The following EYS variants were observed in gnomAD, a reference collection of about 807,000 sequenced individuals.
EYS encodes the protein EGF-like photoreceptor maintenance factor, also known as protein eyes shut homolog.
A neutral mutation model predicts 282.1 loss-of-function variants in EYS; 250 were observed. The ratio of observed to expected loss-of-function variants is 0.89; its 90% CI spans 0.80 to 0.98. The LOEUF (loss-of-function observed/expected upper bound fraction) is 0.98, where lower values mean the gene tolerates loss of function less well. Ranked by LOEUF, EYS falls within the 50% of genes least tolerant of loss-of-function variation. The probability of loss-of-function intolerance (pLI) is 0.00; values close to 1 mark genes in which losing one functional copy is unlikely to be tolerated. For missense variants in EYS, 4,016 were observed against 3,709.0 expected (o/e 1.08, Z -2.15); for synonymous variants, 1,355 against 1,282.9 (o/e 1.06, Z -1.20).
chr6:63,986,202 C>T (rs1280583697), intron 34 of EYS, among the ~76,000 whole-genome samples: 1 of 151,664 alleles, frequency 6.6e-6, no homozygotes, highest in Non-Finnish European at 1.5e-5. Context: ...TAGAGAAATG[C>T]AAATCAAAAC....
rs562707818 is a variant in EYS, at chr6:64,591,530, C to A, written c.4337G>T (p.Arg1446Leu). ...IELNRQSLLS[R>L]GFLLIAASIS... ...GGAGGCAGCTATAAGCAGGAATCCA[C>A]GGGAGAGTAATGACTGCCTGTTTAG... Residue 1446 changes from arginine (R) to leucine (L), a missense_variant, in exon 26 of 43, where the codon CGT becomes CTT. Transcript: ENST00000503581. The A allele has an allele frequency of 1.3e-6, 2 of 1,551,278 alleles. No individual in the cohort carries two copies. The highest frequency in any genetic ancestry group is 3.9e-5 in the Admixed American group (2 of 50,962).
chr6:65,165,511 A>G lies in EYS; in HGVS notation c.2024-107784T>C, dbSNP rs185146505. On this transcript the variant is annotated intron_variant, in intron 12 of 42. Transcript: ENST00000503581. ...TTCAAAATATTTTATCATCTTATGA[A>G]TTCCATTTCTTCATATGAAAAATTA... Among the ~76,000 whole-genome samples, 265 of 151,320 alleles carry G rather than the reference A, an allele frequency of 1.8e-3. 2 individuals are homozygous for G. Among genetic ancestry groups the G allele is most frequent in the African/African-American group, 6.1e-3 (254 of 41,420 alleles).
At chr6:64,881,499 A>G (rs975963019) in intron 19 of EYS, among the ~76,000 whole-genome samples, 9 of 151,724 alleles carry the variant, frequency 5.9e-5, no homozygotes, top group Admixed American at 5.3e-4. Flanking sequence ...CATTTTTTTC[A>G]TATCTTTGGA....
intron 28 of EYS, among the ~76,000 whole-genome samples, chr6:64,403,668 T>A (rs1466320163): frequency 6.6e-6 from 1 of 152,106 alleles, no homozygotes; most frequent in African/African-American, 2.4e-5. Context: ...GAAAGTAACT[T>A]TTAAATTTAA....
chr6:64,959,431 T>G (rs1769838096), intron 14 of EYS, among the ~76,000 whole-genome samples: 1 of 152,216 alleles, frequency 6.6e-6, no homozygotes, highest in Admixed American at 6.5e-5. Flanking sequence ...AATTCAGGAA[T>G]GAAGGTTCTG....
intron 31 of EYS, among the ~76,000 whole-genome samples, chr6:64,221,836 T>C (rs1364704045): frequency 6.6e-6 from 1 of 151,992 alleles, no homozygotes; most frequent in Non-Finnish European, 1.5e-5. Context: ...GGAGCCAATC[T>C]CCCGTAAATA....
chr6:64,669,164 A>T (rs1769347894), intron 22 of EYS, among the ~76,000 whole-genome samples: 1 of 152,200 alleles, frequency 6.6e-6, no homozygotes, highest in Non-Finnish European at 1.5e-5. Flanking sequence ...TAAGTAATTG[A>T]TCCTTACCAA....
chr6:65,642,458 T>C lies in EYS; in HGVS notation c.-447-2566A>G, dbSNP rs572991995. On this transcript the variant is annotated intron_variant, in intron 1 of 42. Coordinates refer to ENST00000503581, the MANE Select transcript of EYS (RefSeq NM_001142800.2). ...CTTGTCCTCAGTCACATTCAACAAT[T>C]TGAATACGTTAGATTACTGAAGCCT... is the stretch of plus-strand genomic sequence containing the variant. 2.0e-5 allele frequency among the ~76,000 whole-genome samples: 3 copies of C among 152,248 alleles called. No homozygotes were observed. In the East Asian group the frequency reaches 5.8e-4, roughly 29 times the overall value.
chr6:65,084,659 T>A (rs1774315839), intron 12 of EYS, among the ~76,000 whole-genome samples: 1 of 152,172 alleles, frequency 6.6e-6, no homozygotes, highest in African/African-American at 2.4e-5. Flanking sequence ...TATCAGGTTT[T>A]TACTTCCCTA....
In EYS at chr6:64,814,132, A is replaced by C. The variant is rs150336194; in HGVS notation, c.3244-555T>G. Among the ~76,000 whole-genome samples the C allele has an allele frequency of 3.3e-5, 5 of 152,180 alleles. 1 individual carries two copies. The East Asian group carries it at 7.7e-4, about 24-fold the overall frequency. On this transcript the variant is annotated intron_variant, in intron 21 of 42. Coordinates refer to ENST00000503581, the MANE Select transcript of EYS (RefSeq NM_001142800.2). Reference sequence around the variant, plus strand: ...TCCAATCATAATCTTTTAATTACCTACTTTTCCCCATGCATTTGTCCAAAT... The same window carrying C: ...TCCAATCATAATCTTTTAATTACCTCCTTTTCCCCATGCATTTGTCCAAAT...
intron 22 of EYS, among the ~76,000 whole-genome samples, chr6:64,738,811 G>A (rs1772273835): frequency 6.6e-6 from 1 of 152,186 alleles, no homozygotes; most frequent in Non-Finnish European, 1.5e-5. Context: ...AGGATGGAGT[G>A]CAATGGCACG....
chr6:63,977,604 AG>A (rs1766899440), intron 35 of EYS, among the ~76,000 whole-genome samples: 1 of 151,970 alleles, frequency 6.6e-6, no homozygotes, highest in African/African-American at 2.4e-5. Flanking sequence ...GGAGCTGTGA[AG>A]GACTGGGTGG....
At chr6:65,050,344 T>C (rs1271393440) in intron 13 of EYS, among the ~76,000 whole-genome samples, 2 of 151,746 alleles carry the variant, frequency 1.3e-5, no homozygotes, top group African/African-American at 4.8e-5. Flanking sequence ...ATATTTACTG[T>C]TTAATTGCTA....
chr6:65,669,467 G>A (rs1393567326), intron 1 of EYS, among the ~76,000 whole-genome samples: 2 of 151,916 alleles, frequency 1.3e-5, no homozygotes, highest in African/African-American at 4.8e-5. Flanking sequence ...GAAATATTAG[G>A]TATAGCTTAA....
At chr6:64,358,336 G>A (rs1435973457) in intron 29 of EYS, among the ~76,000 whole-genome samples, 1 of 151,566 alleles carries the variant, frequency 6.6e-6, no homozygotes, top group Non-Finnish European at 1.5e-5. Context: ...GCTTCAAAGT[G>A]GCAAAACTTG....
At chr6:65,213,345 G>A (rs182679578) in intron 12 of EYS, among the ~76,000 whole-genome samples, 9 of 152,204 alleles carry the variant, frequency 5.9e-5, no homozygotes, top group African/African-American at 1.9e-4. Context: ...TGAGAAAAAC[G>A]TTCCTTTGTT....
At chr6:64,550,241 G>T (rs1241563830) in intron 26 of EYS, among the ~76,000 whole-genome samples, 1 of 152,008 alleles carries the variant, frequency 6.6e-6, no homozygotes, top group African/African-American at 2.4e-5. Flanking sequence ...TAATCCTTTG[G>T]GTATATACCC....
intron 27 of EYS, among the ~76,000 whole-genome samples, chr6:64,436,916 T>G (rs1262786672): frequency 6.6e-6 from 1 of 151,784 alleles, no homozygotes; most frequent in East Asian, 1.9e-4. Context: ...TGTCTATTCT[T>G]TCCCAGAGAG....
intron 28 of EYS, among the ~76,000 whole-genome samples, chr6:64,392,315 GA>G (rs1396479597): frequency 6.7e-6 from 1 of 149,284 alleles, no homozygotes; most frequent in Non-Finnish European, 1.5e-5. Context: ...CAAATCAACA[GA>G]ATATACATTT....
Sources: gnomAD v4.1 joint callset for allele counts (sites outside exome capture counted in the v4.1 genomes callset) on GRCh38, gnomAD v4.1.1 for gene constraint, MANE v1.5 for transcripts, NCBI Gene and HGNC (gene_info 2026-07-23, HGNC 2026-07-21) for gene names.